The following KCNQ1 variants were observed in gnomAD, a reference collection of about 807,000 sequenced individuals.
KCNQ1 encodes the protein potassium voltage-gated channel subfamily KQT member 1.
KCNQ1 carries 49 observed loss-of-function variants against 72.4 expected under a neutral mutation model. The ratio of observed to expected loss-of-function variants is 0.68; its 90% CI spans 0.54 to 0.86. KCNQ1 has a LOEUF of 0.86. Ranked by LOEUF, KCNQ1 falls within the 40% of genes least tolerant of loss-of-function variation. KCNQ1 has a pLI of 0.00. For synonymous variants in KCNQ1, 450 were observed against 412.6 expected (o/e 1.09, Z -1.10); for missense variants, 790 against 945.1 (o/e 0.84, Z 2.15).
chr11:2,789,716 CTG>C (rs1846981474), intron 15 of KCNQ1, among the ~76,000 whole-genome samples: 1 of 152,338 alleles, frequency 6.6e-6, no homozygotes, highest in South Asian at 2.1e-4. Context: ...GGGCTTGGCT[CTG>C]AGATCCACCA....
At chr11:2,524,012 G>A (rs1003763154) in intron 1 of KCNQ1, among the ~76,000 whole-genome samples, 7 of 152,126 alleles carry the variant, frequency 4.6e-5, no homozygotes, top group Non-Finnish European at 1.0e-4. Flanking sequence ...TCCTTGTCCT[G>A]TGAACAAGTT....
chr11:2,842,356 G>C (rs1157388387), intron 15 of KCNQ1, among the ~76,000 whole-genome samples: 1 of 152,224 alleles, frequency 6.6e-6, no homozygotes, highest in African/African-American at 2.4e-5. Context: ...TCCCCATTAG[G>C]AGAGGACGCC....
At chr11:2,736,217 C>T (rs189031891) in intron 11 of KCNQ1, among the ~76,000 whole-genome samples, 2 of 152,228 alleles carry the variant, frequency 1.3e-5, no homozygotes, top group Non-Finnish European at 2.9e-5. Flanking sequence ...CTTTCCTAAC[C>T]AGCAGTCCAG....
chr11:2,668,616 T>A lies in KCNQ1; in HGVS notation c.1514+6535T>A, dbSNP rs189751284. The stretch of plus-strand genomic sequence containing the variant: ...TTCTGTATAAATTGCCTACATCTTC[T>A]GCCTGTTTTATGTTTATTTATGGTC... On this transcript the variant is annotated intron_variant, in intron 11 of 15. Coordinates refer to ENST00000155840, the MANE Select transcript of KCNQ1 (RefSeq NM_000218.3). This position sits in a 1 kb window ranked among gnomAD's most constrained non-coding sequence, Gnocchi z 4.3. 4.6e-3 allele frequency: 1,828 copies of A among 398,666 alleles called. 10 individuals are homozygous for A. Among genetic ancestry groups the A allele is most frequent in the Non-Finnish European group, 6.1e-3 (1,390 of 226,074 alleles). The allele number at this position is 398,666 out of a possible 1,614,324, so 24.7% of individuals were successfully genotyped here. A position where few individuals can be genotyped will look rare whatever the true frequency, so the allele number is the denominator to read the frequency against.
At chr11:2,697,650 G>C in intron 11 of KCNQ1, 1 of 398,442 alleles carries the variant, frequency 2.5e-6, no homozygotes, top group African/African-American at 2.1e-5. Flanking sequence ...TTCTCCTGTA[G>C]CCTCTTAATG....
Position 2,608,351 on chromosome 11 carries a change from C to T in KCNQ1, c.1393+19497C>T. ...CTTAGTCAGTTTTCATAGTTTTCAT[C>T]TTTCTAGGAATTTGTCAATTTCATC... On this transcript the variant is annotated intron_variant, in intron 10 of 15. Coordinates refer to ENST00000155840, the MANE Select transcript of KCNQ1 (RefSeq NM_000218.3). The surrounding 1 kb of genome is among the most constrained non-coding windows in gnomAD (Gnocchi z 4.6). The T allele has an allele frequency of 2.5e-6, 1 of 398,528 alleles. No individual in the cohort carries two copies. 24.7% of individuals were successfully genotyped at this position (398,528 alleles called of 1,614,324 possible). A position where few individuals can be genotyped will look rare whatever the true frequency, so the allele number is the denominator to read the frequency against.
rs999708858 is a variant in KCNQ1, at chr11:2,613,549, A to G, written c.1393+24695A>G. 11 of 398,396 alleles carry G rather than the reference A, an allele frequency of 2.8e-5. No individual in the cohort carries two copies. The highest frequency in any genetic ancestry group is 2.3e-4 in the African/African-American group (11 of 48,602). 24.7% of individuals were successfully genotyped at this position (398,396 alleles called of 1,614,324 possible). ...CCCCACGTTAAATCATAACCCTGCT[A>G]TTCTTAGGAAGGCTTAATATTTTTT... is the stretch of plus-strand genomic sequence containing the variant. On this transcript the variant is annotated intron_variant, in intron 10 of 15. Transcript: ENST00000155840. The surrounding 1 kb of genome is among the most constrained non-coding windows in gnomAD (Gnocchi z 4.8).
At chr11:2,843,120 G>A (rs1564914196) in intron 15 of KCNQ1, among the ~76,000 whole-genome samples, 2 of 152,246 alleles carry the variant, frequency 1.3e-5, no homozygotes, top group Non-Finnish European at 2.9e-5. Context: ...CTCCAGCAGG[G>A]CAGCTGCCCC....
Position 2,654,842 on chromosome 11 carries a change from T to C in KCNQ1, c.1394-7119T>C. ...GATAGGAGAGCTCTATGTAGCCTCA[T>C]GGGCAGCTCCAGGCCAGGTGGAGGG... is the stretch of plus-strand genomic sequence containing the variant. On this transcript the variant is annotated intron_variant, in intron 10 of 15. Coordinates refer to ENST00000155840, the MANE Select transcript of KCNQ1 (RefSeq NM_000218.3). The surrounding 1 kb of genome is among the most constrained non-coding windows in gnomAD (Gnocchi z 6.4). The C allele has an allele frequency of 7.5e-6, 3 of 398,568 alleles. No individual in the cohort carries two copies. Among genetic ancestry groups the C allele is most frequent in the East Asian group, 3.6e-5 (1 of 28,070 alleles). 24.7% of individuals were successfully genotyped at this position (398,568 alleles called of 1,614,324 possible).
rs919581225 is a variant in KCNQ1 at position 2,654,382 on chromosome 11, G to A, written c.1394-7579G>A. On this transcript the variant is annotated intron_variant, in intron 10 of 15. Coordinates refer to ENST00000155840, the MANE Select transcript of KCNQ1 (RefSeq NM_000218.3). This position sits in a 1 kb window ranked among gnomAD's most constrained non-coding sequence, Gnocchi z 6.4. The stretch of plus-strand genomic sequence containing the variant: ...CTGTTCATCCTTGTGAAGTAGGCTG[G>A]CTCAGGGAACTCGCCTGTGCCAAAC... 5.0e-6 allele frequency: 2 copies of A among 398,484 alleles called. No homozygotes were observed. Among genetic ancestry groups the A allele is most frequent in the Non-Finnish European group, 8.8e-6 (2 of 226,106 alleles). The allele number at this position is 398,484 out of a possible 1,614,324, so 24.7% of individuals were successfully genotyped here.
intron 11 of KCNQ1, among the ~76,000 whole-genome samples, chr11:2,753,792 C>T (rs930651210): frequency 2.6e-5 from 4 of 152,168 alleles, no homozygotes; most frequent in Non-Finnish European, 4.4e-5. Context: ...TTCCTTTGGC[C>T]GGGGACACAC....
intron 15 of KCNQ1, among the ~76,000 whole-genome samples, chr11:2,807,220 C>T (rs188624876): frequency 2.6e-5 from 4 of 152,332 alleles, no homozygotes; most frequent in East Asian, 3.9e-4. Flanking sequence ...TTTCATCGAG[C>T]CTGACAAGCC....
chr11:2,752,117 C>T lies in KCNQ1; in HGVS notation c.1515-16727C>T, dbSNP rs981536897. Among the ~76,000 whole-genome samples the T allele has an allele frequency of 1.3e-5, 2 of 152,190 alleles. No homozygotes were observed. Among genetic ancestry groups the T allele is most frequent in the Non-Finnish European group, 2.9e-5 (2 of 68,034 alleles). ...TTTCCACCACAAGACTGTTTGTAGCCGAGCTTGGGAGTTGTGTTGTGTAGT... is the reference window on the plus strand; with the variant it reads ...TTTCCACCACAAGACTGTTTGTAGCTGAGCTTGGGAGTTGTGTTGTGTAGT... On this transcript the variant is annotated intron_variant, in intron 11 of 15. Coordinates refer to ENST00000155840, the MANE Select transcript of KCNQ1 (RefSeq NM_000218.3). This position sits in a 1 kb window ranked among gnomAD's most constrained non-coding sequence, Gnocchi z 5.2.
chr11:2,846,214 C>G (rs1009948785), intron 15 of KCNQ1, among the ~76,000 whole-genome samples: 11 of 152,200 alleles, frequency 7.2e-5, no homozygotes, highest in Non-Finnish European at 1.6e-4. Context: ...ACCGGGCCAG[C>G]TCCCGCCTGC....
chr11:2,836,011 G>A (rs1848060419), intron 15 of KCNQ1, among the ~76,000 whole-genome samples: 1 of 152,086 alleles, frequency 6.6e-6, no homozygotes, highest in African/African-American at 2.4e-5. Flanking sequence ...GCGGGGCAAA[G>A]GCCACGGGGA....
intron 11 of KCNQ1, among the ~76,000 whole-genome samples, chr11:2,733,857 C>CTCTTTCTCTCT (rs147278439): frequency 1.0e-4 from 8 of 76,364 alleles, no homozygotes; most frequent in African/African-American, 1.8e-4. Flanking sequence ...CTCTCTCTCT[C>CTCTTTCTCTCT]CCCCCCCACT....
intron 10 of KCNQ1, among the ~76,000 whole-genome samples, chr11:2,596,155 A>G (rs889839642): frequency 4.6e-5 from 7 of 152,256 alleles, no homozygotes; most frequent in Non-Finnish European, 8.8e-5. Flanking sequence ...ATTATATTAT[A>G]TAAAATGAGG....
rs1052000478 is a variant in KCNQ1 at position 2,830,079 on chromosome 11, A to G, written c.1795-17688A>G. Reference sequence around the variant, plus strand: ...GAGGAGGGAGGAAGAGAGAGAAGGAAGAGATTGGCCAAGGAGCTCTGAGAG... The same window carrying G: ...GAGGAGGGAGGAAGAGAGAGAAGGAGGAGATTGGCCAAGGAGCTCTGAGAG... On this transcript the variant is annotated intron_variant, in intron 15 of 15. Coordinates refer to ENST00000155840, the MANE Select transcript of KCNQ1 (RefSeq NM_000218.3). This position sits in a 1 kb window ranked among gnomAD's most constrained non-coding sequence, Gnocchi z 7.7. Among the ~76,000 whole-genome samples the G allele has an allele frequency of 1.3e-5, 2 of 149,786 alleles. No homozygotes were observed. Among genetic ancestry groups the G allele is most frequent in the Non-Finnish European group, 3.0e-5 (2 of 67,398 alleles).
In KCNQ1 at chr11:2,488,489, T is replaced by A. The variant is rs1846778493; in HGVS notation, c.387-39439T>A. On this transcript the variant is annotated intron_variant, in intron 1 of 15. Transcript: ENST00000155840. This position sits in a 1 kb window ranked among gnomAD's most constrained non-coding sequence, Gnocchi z 5.1. ...GGGGAAGCCATCAGGTCCAGGCTTTTCTTTGTTGAGAGTTTTTTGATTACT... is the reference window on the plus strand; with the variant it reads ...GGGGAAGCCATCAGGTCCAGGCTTTACTTTGTTGAGAGTTTTTTGATTACT... Among the ~76,000 whole-genome samples the A allele has an allele frequency of 6.6e-6, 1 of 152,200 alleles. No homozygotes were observed.
Sources: gnomAD v4.1 joint callset for allele counts (sites outside exome capture counted in the v4.1 genomes callset) on GRCh38, gnomAD v4.1.1 for gene constraint, Gnocchi (gnomAD v3.1) non-coding constraint, MANE v1.5 for transcripts, NCBI Gene and HGNC (gene_info 2026-07-23, HGNC 2026-07-21) for gene names.